RYR2: variants seen among roughly 807,000 people sequenced by gnomAD.
RYR2 encodes cardiac muscle ryanodine receptor-calcium release channel.
A neutral mutation model predicts 601.1 loss-of-function variants in RYR2; 227 were observed. The observed-to-expected ratio is 0.38, with a 90% CI of 0.34 to 0.42. RYR2 has a LOEUF of 0.42. Ranked by LOEUF, RYR2 falls within the 10% of genes least tolerant of loss-of-function variation. RYR2 has a pLI of 1.00. For missense variants in RYR2, 4,646 were observed against 6,156.5 expected (o/e 0.75, Z 8.21); for synonymous variants, 2,223 against 2,175.1 (o/e 1.02, Z -0.61).
At chr1:237,632,443 G>A (rs1680441841) in intron 42 of RYR2, among the ~76,000 whole-genome samples, 1 of 141,500 alleles carries the variant, frequency 7.1e-6, no homozygotes, top group Non-Finnish European at 1.5e-5. Context: ...TGCCCAGGCT[G>A]GAGTGCAGTG....
intron 11 of RYR2, among the ~76,000 whole-genome samples, chr1:237,421,224 G>GT (rs1705537258): frequency 6.6e-6 from 1 of 152,160 alleles, no homozygotes; most frequent in African/African-American, 2.4e-5. Context: ...GGGTGACAGA[G>GT]CGAGACTCCG....
intron 12 of RYR2, among the ~76,000 whole-genome samples, chr1:237,428,523 C>T (rs1291008079): frequency 6.6e-6 from 1 of 151,652 alleles, no homozygotes; most frequent in Non-Finnish European, 1.5e-5. Context: ...TACATGTTCT[C>T]ACTCATAAGT....
At chr1:237,807,512 C>T (rs928799773) in intron 99 of RYR2, among the ~76,000 whole-genome samples, 1 of 152,088 alleles carries the variant, frequency 6.6e-6, no homozygotes, top group Non-Finnish European at 1.5e-5. Context: ...CCACCATGCC[C>T]GGCTAATTTT....
intron 39 of RYR2, among the ~76,000 whole-genome samples, chr1:237,624,297 C>A (rs1348376260): frequency 6.6e-6 from 1 of 152,116 alleles, no homozygotes; most frequent in African/African-American, 2.4e-5. Context: ...GTATTGTGCA[C>A]TTAAAATTCT....
chr1:237,101,053 C>T (rs1324158489), intron 1 of RYR2, among the ~76,000 whole-genome samples: 1 of 152,114 alleles, frequency 6.6e-6, no homozygotes, highest in Non-Finnish European at 1.5e-5. Context: ...CATGACGGTG[C>T]TTTCCTTCAA....
At chr1:237,641,108 C>A in intron 47 of RYR2, 106 bp downstream of exon 47, 2 of 653,712 alleles carry the variant, frequency 3.1e-6, no homozygotes, top group Admixed American at 3.3e-5. Flanking sequence ...TCTTCATGCT[C>A]CATTAAAAAT....
chr1:237,334,113 G>T (rs1246135877), intron 3 of RYR2, among the ~76,000 whole-genome samples: 1 of 152,046 alleles, frequency 6.6e-6, no homozygotes, highest in Non-Finnish European at 1.5e-5. Flanking sequence ...TTTCCATTTA[G>T]AACCATGCCT....
chr1:237,729,740 A>G (rs927181429), intron 76 of RYR2, among the ~76,000 whole-genome samples: 4 of 152,030 alleles, frequency 2.6e-5, no homozygotes, highest in Admixed American at 6.6e-5. Flanking sequence ...GCAGGGTTTA[A>G]TCTTTGAGTA....
At chr1:237,478,650 TTAAC>T (rs140786507) in intron 17 of RYR2, among the ~76,000 whole-genome samples, 2,133 of 151,376 alleles carry the variant, frequency 0.014, 53 homozygotes, top group African/African-American at 0.049. Flanking sequence ...TTTAAATATA[TTAAC>T]TTACTTAATC....
intron 1 of RYR2, among the ~76,000 whole-genome samples, chr1:237,226,822 G>GT (rs1397373112): frequency 6.6e-6 from 1 of 152,190 alleles, no homozygotes; most frequent in African/African-American, 2.4e-5. Context: ...AGGGTGGAGT[G>GT]TAGTGGCGTG....
At chr1:237,660,315 G>T (rs1683656614) in intron 55 of RYR2, among the ~76,000 whole-genome samples, 1 of 149,726 alleles carries the variant, frequency 6.7e-6, no homozygotes, top group African/African-American at 2.5e-5. Context: ...TTCCTTTTTG[G>T]TTTTTATTCC....
chr1:237,577,712 A>T (rs1019932627), intron 29 of RYR2, among the ~76,000 whole-genome samples: 23 of 152,174 alleles, frequency 1.5e-4, no homozygotes, highest in African/African-American at 4.8e-4. Context: ...GAGTATTTTT[A>T]AAAGAACCAA....
intron 43 of RYR2, 69 bp from the exon 44 acceptor site, chr1:237,634,820 A>G (rs1271410139): frequency 1.7e-6 from 2 of 1,156,652 alleles, no homozygotes; most frequent in Non-Finnish European, 2.5e-6. Context: ...AAGAGGTAGT[A>G]TATTTTTGTA....
rs1001606735 is a variant in RYR2 at position 237,811,875 on chromosome 1, C to T, written c.14433+2840C>T. On this transcript the variant is annotated intron_variant, in intron 100 of 104. Coordinates refer to ENST00000366574, the MANE Select transcript of RYR2 (RefSeq NM_001035.3). ...GTGCTAGTGACCTACTTGGAGGACACGGAGTATCAGAGCTGAAAGGACTCT... is the reference window on the plus strand; with the variant it reads ...GTGCTAGTGACCTACTTGGAGGACATGGAGTATCAGAGCTGAAAGGACTCT... Among the ~76,000 whole-genome samples the T allele has an allele frequency of 5.9e-5, 9 of 152,254 alleles. No individual in the cohort carries two copies. The East Asian group carries it at 7.7e-4, about 13-fold the overall frequency.
At chr1:237,668,370 C>T (rs570487312) in intron 58 of RYR2, among the ~76,000 whole-genome samples, 86 of 152,070 alleles carry the variant, frequency 5.7e-4, no homozygotes, top group Non-Finnish European at 1.0e-3. Context: ...GCACTTTTCC[C>T]GTTTTTTTAT....
At chr1:237,094,075 C>T (rs1405069105) in intron 1 of RYR2, among the ~76,000 whole-genome samples, 1 of 152,218 alleles carries the variant, frequency 6.6e-6, no homozygotes, top group Non-Finnish European at 1.5e-5. Context: ...GCGAGCTGGC[C>T]TGACTCCCTT....
chr1:237,199,145 G>A (rs2149037510), intron 1 of RYR2, among the ~76,000 whole-genome samples: 1 of 152,288 alleles, frequency 6.6e-6, no homozygotes, highest in Non-Finnish European at 1.5e-5. Flanking sequence ...CAGGATAGAG[G>A]TGCGACATTC....
intron 1 of RYR2, among the ~76,000 whole-genome samples, chr1:237,065,315 T>TTTTATA (rs1663451064): frequency 7.4e-6 from 1 of 135,132 alleles, no homozygotes; most frequent in Admixed American, 7.6e-5. Context: ...AGTCTTGCAT[T>TTTTATA]GTCGCCCAGG....
intron 91 of RYR2, 148 bp from the exon 92 acceptor site, chr1:237,787,840 C>A: frequency 1.4e-6 from 1 of 737,664 alleles, no homozygotes; most frequent in Non-Finnish European, 2.2e-6. Context: ...TTCTAAAATT[C>A]AGAATATTAT....
Sources: gnomAD v4.1 joint callset for allele counts (sites outside exome capture counted in the v4.1 genomes callset) on GRCh38, gnomAD v4.1.1 for gene constraint, MANE v1.5 for transcripts, NCBI Gene and HGNC (gene_info 2026-07-23, HGNC 2026-07-21) for gene names.